Variants in CLIC4 observed in about 807,000 individuals in gnomAD.
CLIC4 encodes the protein CLIC family member 4.
CLIC4 carries 13 observed loss-of-function variants against 24.6 expected under a neutral mutation model. The observed-to-expected ratio is 0.53, with a 90% confidence interval of 0.34 to 0.84. The LOEUF is 0.84. CLIC4 is among the 40% of genes least tolerant of loss of function. The pLI, the probability that CLIC4 is intolerant of heterozygous loss-of-function variation, is 0.01. For missense variants in CLIC4, 227 were observed against 301.7 expected (o/e 0.75, Z 1.83); for synonymous variants, 104 against 111.3 (o/e 0.93, Z 0.41).
chr1:24,784,003 A>ATTTTT (rs552630401), intron 1 of CLIC4, among the ~76,000 whole-genome samples: 2 of 130,260 alleles, frequency 1.5e-5, no homozygotes, highest in Admixed American at 7.7e-5. Flanking sequence ...TCCAGTTTTG[A>ATTTTT]TTTTTTTTTT....
chr1:24,781,711 A>G (rs1217633146), intron 1 of CLIC4, among the ~76,000 whole-genome samples: 1 of 151,080 alleles, frequency 6.6e-6, no homozygotes, highest in African/African-American at 2.4e-5. Context: ...ACTGTTGCAC[A>G]GGCTGGAGTG....
chr1:24,811,554 C>T (rs922935240), intron 2 of CLIC4, among the ~76,000 whole-genome samples: 1 of 151,922 alleles, frequency 6.6e-6, no homozygotes. Flanking sequence ...TTCACTGCAG[C>T]CTCGACCGCC....
At chr1:24,768,336 G>C (rs946111337) in intron 1 of CLIC4, among the ~76,000 whole-genome samples, 3 of 152,106 alleles carry the variant, frequency 2.0e-5, no homozygotes, top group African/African-American at 4.8e-5. Flanking sequence ...CTTTACAACT[G>C]AACAGGTCAT....
chr1:24,766,473 GTTTTTTTTTTTTTT>G (rs71032855), intron 1 of CLIC4, among the ~76,000 whole-genome samples: 6 of 62,040 alleles, frequency 9.7e-5, no homozygotes, highest in Admixed American at 4.8e-4. Flanking sequence ...TGCCCAGACG[GTTTTTTTTTTTTTT>G]TTTTTTTTTT....
intron 1 of CLIC4, among the ~76,000 whole-genome samples, chr1:24,778,983 A>G (rs1639173744): frequency 6.6e-6 from 1 of 152,224 alleles, no homozygotes; most frequent in Non-Finnish European, 1.5e-5. Flanking sequence ...TTTTTGAATG[A>G]CTACTTTGCA....
At chr1:24,816,221 C>A (rs1174319591) in intron 3 of CLIC4, among the ~76,000 whole-genome samples, 1 of 139,310 alleles carries the variant, frequency 7.2e-6, no homozygotes, top group African/African-American at 2.6e-5. Context: ...TCCCATGAAT[C>A]ATGAATGTTC....
At chr1:24,831,386 C>T (rs1307158067) in intron 4 of CLIC4, among the ~76,000 whole-genome samples, 1 of 152,046 alleles carries the variant, frequency 6.6e-6, no homozygotes, top group Non-Finnish European at 1.5e-5. Flanking sequence ...TGTTATAAAC[C>T]TTGTAAATTT....
intron 2 of CLIC4, among the ~76,000 whole-genome samples, chr1:24,806,417 C>T (rs1639550877): frequency 6.6e-6 from 1 of 152,150 alleles, no homozygotes; most frequent in Non-Finnish European, 1.5e-5. Flanking sequence ...ACTAAAGTTT[C>T]TTCTCAGATT....
At chr1:24,817,675 G>A (rs960867135) in intron 3 of CLIC4, among the ~76,000 whole-genome samples, 3 of 152,216 alleles carry the variant, frequency 2.0e-5, no homozygotes, top group Admixed American at 2.0e-4. Context: ...CTGTTTGGCT[G>A]TTTGGTGGAA....
At chr1:24,813,817 C>G (rs1228984019) in intron 2 of CLIC4, among the ~76,000 whole-genome samples, 2 of 152,122 alleles carry the variant, frequency 1.3e-5, no homozygotes, top group Non-Finnish European at 2.9e-5. Context: ...TTCCCAGGCT[C>G]AAGTGATCCT....
chr1:24,753,107 T>C (rs1427752916), intron 1 of CLIC4, among the ~76,000 whole-genome samples: 1 of 152,168 alleles, frequency 6.6e-6, no homozygotes, highest in African/African-American at 2.4e-5. Context: ...AAAATTCTAA[T>C]GTGAGGCTTT....
chr1:24,747,619 T>TA (rs543921288), intron 1 of CLIC4, among the ~76,000 whole-genome samples: 35 of 151,236 alleles, frequency 2.3e-4, no homozygotes, highest in Non-Finnish European at 3.7e-4. Flanking sequence ...AGAGATGAGT[T>TA]AAAAAAAATT....
At chr1:24,788,603 G>GT (rs1360075974) in intron 1 of CLIC4, among the ~76,000 whole-genome samples, 2 of 152,114 alleles carry the variant, frequency 1.3e-5, no homozygotes, top group African/African-American at 2.4e-5. Flanking sequence ...ACTTATTCAA[G>GT]TTACAGCATG....
At chr1:24,791,856 A>G (rs1639343275) in intron 1 of CLIC4, among the ~76,000 whole-genome samples, 1 of 151,800 alleles carries the variant, frequency 6.6e-6, no homozygotes, top group African/African-American at 2.4e-5. Context: ...AGCCTGGGTG[A>G]CAAGAGTGAA....
At position 24,768,182 on chromosome 1, in the gene CLIC4, G is replaced by T. The variant is rs962544240; in HGVS notation, c.72+22557G>T. Among the ~76,000 whole-genome samples the T allele has an allele frequency of 2.0e-5, 3 of 152,206 alleles. No individual in the cohort carries two copies. The East Asian group carries it at 5.8e-4, about 29-fold the overall frequency. On this transcript the variant is annotated intron_variant, in intron 1 of 5. Transcript: ENST00000374379. The stretch of plus-strand genomic sequence containing the variant: ...TAAGATATGGGGATCTTGCCATGTT[G>T]CCCAGGCTGGTCCCAAATTCCTGAA...
chr1:24,746,005 C>T (rs1228289812), intron 1 of CLIC4, among the ~76,000 whole-genome samples: 1 of 150,968 alleles, frequency 6.6e-6, no homozygotes, highest in Non-Finnish European at 1.5e-5. Flanking sequence ...GGGCCCGGCC[C>T]CACCCGCTCC....
At chr1:24,837,125 A>T (rs1443967335) in intron 4 of CLIC4, among the ~76,000 whole-genome samples, 1 of 152,206 alleles carries the variant, frequency 6.6e-6, no homozygotes, top group African/African-American at 2.4e-5. Flanking sequence ...CAAGGAAGCT[A>T]AAAGCTGGTT....
intron 2 of CLIC4, 146 bp from the exon 3 acceptor site, chr1:24,813,948 G>A (rs767765423): frequency 2.2e-5 from 19 of 848,846 alleles, no homozygotes; most frequent in Admixed American, 7.4e-5. Flanking sequence ...CAAACTCCTG[G>A]GCTAAGCAGT....
intron 3 of CLIC4, among the ~76,000 whole-genome samples, chr1:24,818,775 G>C (rs1363069552): frequency 2.0e-5 from 3 of 150,826 alleles, no homozygotes; most frequent in Non-Finnish European, 4.4e-5. Flanking sequence ...ATCAGGAAAG[G>C]CTTTAGAGAA....
Sources: gnomAD v4.1 joint callset for allele counts (sites outside exome capture counted in the v4.1 genomes callset) on GRCh38, gnomAD v4.1.1 for gene constraint, MANE v1.5 for transcripts, NCBI Gene and HGNC (gene_info 2026-07-23, HGNC 2026-07-21) for gene names.